Variants in PPARGC1A observed in about 807,000 individuals in gnomAD.
PPARGC1A encodes the protein peroxisome proliferator-activated receptor gamma coactivator 1-alpha.
Under a neutral mutation model 88.7 loss-of-function variants are expected in PPARGC1A, and 25 were observed. The observed-to-expected ratio is 0.28, with a 90% CI of 0.21 to 0.39. The LOEUF is 0.39. Ranked by LOEUF, PPARGC1A falls within the 10% of genes least tolerant of loss-of-function variation. The probability of loss-of-function intolerance (pLI) is 1.00; values close to 1 mark genes in which losing one functional copy is unlikely to be tolerated. For missense variants in PPARGC1A, 880 were observed against 968.7 expected, an observed-to-expected ratio of 0.91 and a Z score of 1.22; for synonymous variants, 363 against 355.6, an observed-to-expected ratio of 1.02 and a Z score of -0.24.
chr4:24,228,895 G>A, the PPARGC1A span, among the ~76,000 whole-genome samples: 1 of 152,240 alleles, frequency 6.6e-6, no homozygotes, highest in African/African-American at 2.4e-5. Context: ...TCCAGTTATT[G>A]TCAGGGTTAC....
the PPARGC1A span, among the ~76,000 whole-genome samples, chr4:24,437,160 A>C: frequency 6.6e-6 from 1 of 152,222 alleles, no homozygotes; most frequent in Non-Finnish European, 1.5e-5. Context: ...TTGGGATACG[A>C]TCTTTGAAGG....
chr4:24,162,005 C>T, the PPARGC1A span, among the ~76,000 whole-genome samples: 1 of 142,668 alleles, frequency 7.0e-6, no homozygotes. Context: ...CACACACACA[C>T]ACACACACCA....
At chr4:24,284,265 C>G in the PPARGC1A span, among the ~76,000 whole-genome samples, 160 of 152,122 alleles carry the variant, frequency 1.1e-3, no homozygotes, top group African/African-American at 3.7e-3. Flanking sequence ...ACCGAGATCA[C>G]GCCACTGCAC....
chr4:24,051,197 A>AAAC, the PPARGC1A span, among the ~76,000 whole-genome samples: 1 of 150,738 alleles, frequency 6.6e-6, no homozygotes, highest in Non-Finnish European at 1.5e-5. Context: ...CAAAAAAAAA[A>AAAC]AAAAAAAAAA....
chr4:24,139,289 C>T, the PPARGC1A span, among the ~76,000 whole-genome samples: 4 of 151,988 alleles, frequency 2.6e-5, no homozygotes, highest in South Asian at 4.2e-4. Flanking sequence ...ACCTGCCACA[C>T]GCCCGGCTAA....
the PPARGC1A span, among the ~76,000 whole-genome samples, chr4:23,917,343 C>T: frequency 6.6e-6 from 1 of 151,710 alleles, no homozygotes; most frequent in Non-Finnish European, 1.5e-5. Flanking sequence ...TATTAGGAAC[C>T]ACATCATACT....
At chr4:24,095,684 A>C in the PPARGC1A span, among the ~76,000 whole-genome samples, 28 of 152,252 alleles carry the variant, frequency 1.8e-4, no homozygotes, top group Non-Finnish European at 2.9e-4. Context: ...CCTCAGTCTC[A>C]GTAATTTATG....
chr4:23,946,247 T>C, the PPARGC1A span, among the ~76,000 whole-genome samples: 3 of 152,170 alleles, frequency 2.0e-5, no homozygotes, highest in East Asian at 5.8e-4. Context: ...CAAACAACCA[T>C]GTGGGCAAAT....
the PPARGC1A span, among the ~76,000 whole-genome samples, chr4:24,447,719 T>C: frequency 2.6e-4 from 40 of 152,252 alleles, no homozygotes; most frequent in African/African-American, 9.6e-4. Context: ...GTTTCCCCAG[T>C]TGTCTCACTT....
the PPARGC1A span, among the ~76,000 whole-genome samples, chr4:24,057,240 C>G: frequency 2.6e-5 from 4 of 151,854 alleles, no homozygotes; most frequent in African/African-American, 9.7e-5. Flanking sequence ...TACAAAATAC[C>G]TAGAGTAGTC....
the PPARGC1A span, among the ~76,000 whole-genome samples, chr4:24,050,213 T>TTTGG: frequency 6.7e-6 from 1 of 148,776 alleles, no homozygotes; most frequent in Non-Finnish European, 1.5e-5. Flanking sequence ...TTTTTTTTTT[T>TTTGG]GAGATGGAGT....
the PPARGC1A span, among the ~76,000 whole-genome samples, chr4:24,278,922 A>T: frequency 6.6e-6 from 1 of 152,316 alleles, no homozygotes; most frequent in East Asian, 1.9e-4. Flanking sequence ...ACTCACCAGA[A>T]AGTCAGCCCC....
chr4:23,974,681 G>A, the PPARGC1A span, among the ~76,000 whole-genome samples: 2 of 151,588 alleles, frequency 1.3e-5, no homozygotes, highest in Admixed American at 1.3e-4. Context: ...CGCCCAGGCT[G>A]GAGTGCAGTG....
chr4:24,295,182 TTG>T, the PPARGC1A span, among the ~76,000 whole-genome samples: 2 of 152,224 alleles, frequency 1.3e-5, no homozygotes, highest in East Asian at 1.9e-4. Flanking sequence ...CGAGATGTTT[TTG>T]TGTGTTTGTT....
chr4:24,339,212 G>GTGTGTA, the PPARGC1A span, among the ~76,000 whole-genome samples: 31 of 59,068 alleles, frequency 5.2e-4, 1 homozygote, highest in Non-Finnish European at 7.5e-4. Flanking sequence ...GTGTGTGTGT[G>GTGTGTA]TATATATATA....
chr4:23,892,540 T>A (rs1015754910), upstream of PPARGC1A, among the ~76,000 whole-genome samples: 1 of 143,976 alleles, frequency 6.9e-6, no homozygotes, highest in African/African-American at 2.7e-5. Context: ...TTTTCTTCAG[T>A]CCAGTTTTTT....
At chr4:24,264,195 G>T in the PPARGC1A span, among the ~76,000 whole-genome samples, 1 of 152,106 alleles carries the variant, frequency 6.6e-6, no homozygotes, top group African/African-American at 2.4e-5. Context: ...GTTAAGTTTT[G>T]GGAGAATCAA....
the PPARGC1A span, among the ~76,000 whole-genome samples, chr4:23,989,154 C>A: frequency 6.6e-6 from 1 of 151,782 alleles, no homozygotes; most frequent in Non-Finnish European, 1.5e-5. Context: ...AATGTCCCAT[C>A]ATTACAAGAT....
the PPARGC1A span, among the ~76,000 whole-genome samples, chr4:24,095,364 G>A: frequency 6.6e-6 from 1 of 152,032 alleles, no homozygotes; most frequent in Admixed American, 6.6e-5. Context: ...TGATCTGCCC[G>A]CCTCAGCCTC....
Sources: gnomAD v4.1 joint callset for allele counts (sites outside exome capture counted in the v4.1 genomes callset) on GRCh38, gnomAD v4.1.1 for gene constraint, MANE v1.5 for transcripts, NCBI Gene and HGNC (gene_info 2026-07-23, HGNC 2026-07-21) for gene names.